The following CDH11 variants were observed in gnomAD, a reference collection of about 807,000 sequenced individuals.
CDH11 encodes the protein cadherin-11.
Under a neutral mutation model 67.8 loss-of-function variants are expected in CDH11, and 11 were observed. The observed-to-expected ratio is 0.16, with a 90% CI of 0.10 to 0.27. CDH11 has a LOEUF of 0.27. Ranked by LOEUF, CDH11 falls within the 10% of genes least tolerant of loss-of-function variation. The pLI is 1.00. For synonymous variants in CDH11, 419 were observed against 400.0 expected (o/e 1.05, Z -0.57); for missense variants, 847 against 1,031.2 (o/e 0.82, Z 2.45).
At position 65,121,909 on chromosome 16, in the gene CDH11, C is replaced by G. The variant is rs1366981707; in HGVS notation, c.-327G>C. 7 of 701,806 alleles carry G rather than the reference C, an allele frequency of 1.0e-5. No individual in the cohort carries two copies. The highest frequency in any genetic ancestry group is 1.6e-5 in the Non-Finnish European group (6 of 384,638). The allele number at this position is 701,806 out of a possible 1,614,324, so 43.5% of individuals were successfully genotyped here. A position where few individuals can be genotyped will look rare whatever the true frequency, so the allele number is the denominator to read the frequency against. ...GGCCCTTGAGGGTGGACGCAACCTC[C>G]GAGCCGCCAGTCCCTGGCGCAGGGC... On this transcript the variant is annotated 5_prime_UTR_variant, in exon 1 of 13. Transcript: ENST00000268603. This position sits in a 1 kb window ranked among gnomAD's most constrained non-coding sequence, Gnocchi z 4.1.
chr16:64,962,291 C>T (rs2071693348), intron 11 of CDH11, among the ~76,000 whole-genome samples: 1 of 152,110 alleles, frequency 6.6e-6, no homozygotes, highest in South Asian at 2.1e-4. Flanking sequence ...GAAGTCACCT[C>T]TCCATCCAAA....
intron 4 of CDH11, among the ~76,000 whole-genome samples, chr16:64,998,316 A>G (rs536835728): frequency 3.8e-4 from 58 of 152,376 alleles, no homozygotes; most frequent in African/African-American, 1.4e-3. Flanking sequence ...AGATATTACC[A>G]GTGTCATTAC....
At chr16:65,033,736 C>CAAAATAAAA (rs137998320) in intron 2 of CDH11, among the ~76,000 whole-genome samples, 6 of 141,478 alleles carry the variant, frequency 4.2e-5, no homozygotes, top group Admixed American at 1.5e-4. Flanking sequence ...GACTCCATCT[C>CAAAATAAAA]TAAAATAAAA....
chr16:64,989,593 G>A (rs2072579612), intron 6 of CDH11, among the ~76,000 whole-genome samples: 1 of 152,162 alleles, frequency 6.6e-6, no homozygotes, highest in Non-Finnish European at 1.5e-5. Context: ...GGAGGAGAGT[G>A]ACTACAGCCT....
At chr16:64,973,618 C>G (rs368760748) in intron 8 of CDH11, among the ~76,000 whole-genome samples, 1 of 152,060 alleles carries the variant, frequency 6.6e-6, no homozygotes, top group Non-Finnish European at 1.5e-5. Flanking sequence ...CCAGCCTGAC[C>G]AACATGGTGA....
At chr16:65,084,916 T>C (rs1168622405) in intron 1 of CDH11, among the ~76,000 whole-genome samples, 1 of 152,176 alleles carries the variant, frequency 6.6e-6, no homozygotes, top group East Asian at 1.9e-4. Flanking sequence ...TTATGATTAT[T>C]TTTATTTTTT....
At chr16:64,957,101 T>G (rs2071534566) in intron 11 of CDH11, among the ~76,000 whole-genome samples, 1 of 152,148 alleles carries the variant, frequency 6.6e-6, no homozygotes, top group Non-Finnish European at 1.5e-5. Context: ...TCTGCCCTCA[T>G]CATGGTGTCA....
chr16:64,982,281 T>G lies in CDH11; in HGVS notation c.1020A>C (p.Lys340Asn), dbSNP rs1399690136. The change falls in exon 8 of 13, where the codon AAA (lysine) becomes AAC (asparagine). Residue 340 changes from lysine (K) to asparagine (N), a missense_variant. Lys to Asn is a moderately conservative substitution (Grantham distance 94). Around this residue, in one of 2 missense-constraint regions of CDH11, gnomAD observed 612 missense variants for 678.7 expected, o/e 0.90. Transcript: ENST00000268603. The part of the protein sequence containing the change: ...KLKKPVDFET[K>N]RAYSLKVEAA... The stretch of plus-strand genomic sequence containing the variant: ...CCTCTACCTTCAAGCTATAGGCTCT[T>G]TTGGTTTCAAAATCTACAGGCTGGC... 4.3e-6 allele frequency: 7 copies of G among 1,612,622 alleles called. No homozygotes were observed. The highest frequency in any genetic ancestry group is 5.1e-6 in the Non-Finnish European group (6 of 1,179,056).
chr16:64,957,481 A>G (rs1191047418), intron 11 of CDH11, among the ~76,000 whole-genome samples: 1 of 152,080 alleles, frequency 6.6e-6, no homozygotes, highest in Non-Finnish European at 1.5e-5. Flanking sequence ...GTATTCAGTC[A>G]CTAGCAGAAT....
At chr16:65,006,063 T>A (rs1416994024) in intron 2 of CDH11, among the ~76,000 whole-genome samples, 2 of 143,318 alleles carry the variant, frequency 1.4e-5, no homozygotes, top group Non-Finnish European at 3.1e-5. Flanking sequence ...GACTTTCTCA[T>A]GCTGAAAACT....
chr16:65,012,602 C>A (rs539899258), intron 2 of CDH11, among the ~76,000 whole-genome samples: 6 of 152,144 alleles, frequency 3.9e-5, no homozygotes, highest in Non-Finnish European at 8.8e-5. Context: ...TAGCAGAACA[C>A]AAGGCATCTG....
At chr16:65,098,389 G>C (rs1769938180) in intron 1 of CDH11, among the ~76,000 whole-genome samples, 1 of 152,108 alleles carries the variant, frequency 6.6e-6, no homozygotes, top group South Asian at 2.1e-4. Flanking sequence ...AAGGAAATAT[G>C]GGAGCAGCTG....
intron 2 of CDH11, among the ~76,000 whole-genome samples, chr16:65,045,651 A>T (rs1373958930): frequency 1.3e-5 from 2 of 152,064 alleles, no homozygotes; most frequent in Non-Finnish European, 2.9e-5. Flanking sequence ...GTTAGTAGCC[A>T]GGAAAGGAAA....
intron 1 of CDH11, among the ~76,000 whole-genome samples, chr16:65,062,885 C>A (rs2074254689): frequency 6.6e-6 from 1 of 152,182 alleles, no homozygotes; most frequent in Non-Finnish European, 1.5e-5. Flanking sequence ...TCTTCAGGCA[C>A]AAATTTGAAT....
intron 6 of CDH11, among the ~76,000 whole-genome samples, chr16:64,990,143 A>G (rs2072593428): frequency 6.6e-6 from 1 of 152,210 alleles, no homozygotes; most frequent in Admixed American, 6.5e-5. Context: ...GTAGCAATGT[A>G]ACTTTACTAT....
At chr16:65,114,704 A>C (rs780046932) in intron 1 of CDH11, among the ~76,000 whole-genome samples, 1 of 152,178 alleles carries the variant, frequency 6.6e-6, no homozygotes, top group Non-Finnish European at 1.5e-5. Flanking sequence ...GGCGAGCCGC[A>C]GATGGGAAAC....
intron 7 of CDH11, chr16:64,982,588 T>C (rs1368727866): frequency 1.0e-5 from 3 of 292,234 alleles, no homozygotes; most frequent in Middle Eastern, 9.8e-4. Context: ...CCCAAATAAG[T>C]CACTAAGAAT....
At chr16:64,974,309 G>A (rs534619388) in intron 8 of CDH11, among the ~76,000 whole-genome samples, 1 of 152,276 alleles carries the variant, frequency 6.6e-6, no homozygotes, top group South Asian at 2.1e-4. Flanking sequence ...TCTGCTCTTA[G>A]AGGTCTAAGC....
intron 2 of CDH11, among the ~76,000 whole-genome samples, chr16:65,050,189 G>T (rs548271353): frequency 6.6e-6 from 1 of 152,254 alleles, no homozygotes; most frequent in South Asian, 2.1e-4. Context: ...AGGTCACAGG[G>T]CTTAGAAGCC....
Sources: gnomAD v4.1 joint callset for allele counts (sites outside exome capture counted in the v4.1 genomes callset) on GRCh38, gnomAD v4.1.1 for gene constraint, gnomAD v4.1.1 regional missense constraint, Gnocchi (gnomAD v3.1) non-coding constraint, MANE v1.5 for transcripts, NCBI Gene and HGNC (gene_info 2026-07-23, HGNC 2026-07-21) for gene names.